The following CCDC141 variants were observed in gnomAD, a reference collection of about 807,000 sequenced individuals.
The protein encoded by CCDC141 is coiled-coil domain-containing protein 141.
CCDC141 carries 168 observed loss-of-function variants against 181.0 expected under a neutral mutation model. The observed-to-expected ratio is 0.93, with a 90% CI of 0.82 to 1.05. The LOEUF (loss-of-function observed/expected upper bound fraction) is 1.05, where lower values mean the gene tolerates loss of function less well. CCDC141 is among the 50% of genes least tolerant of loss of function. The pLI, the probability that CCDC141 is intolerant of heterozygous loss-of-function variation, is 0.00. For synonymous variants in CCDC141, 666 were observed against 642.3 expected (o/e 1.04, Z -0.56); for missense variants, 1,902 against 1,788.5 (o/e 1.06, Z -1.14).
intron 2 of CCDC141, among the ~76,000 whole-genome samples, chr2:178,994,216 C>A (rs1692181240): frequency 6.6e-6 from 1 of 152,204 alleles, no homozygotes; most frequent in Non-Finnish European, 1.5e-5. Context: ...TAGCAGTGAC[C>A]TCCATGAGGG....
chr2:178,990,601 GAGGGGAGGGA>G (rs1680748366), intron 2 of CCDC141, among the ~76,000 whole-genome samples: 2 of 129,068 alleles, frequency 1.5e-5, no homozygotes, highest in Admixed American at 7.9e-5. Context: ...GAGGGGAGGG[GAGGGGAGGGA>G]AGGGAAGGGA....
At chr2:178,986,402 G>A (rs1691741012) in intron 2 of CCDC141, among the ~76,000 whole-genome samples, 1 of 152,136 alleles carries the variant, frequency 6.6e-6, no homozygotes, top group Non-Finnish European at 1.5e-5. Flanking sequence ...TTTGAAAACT[G>A]GCACAAGACA....
chr2:178,959,729 A>T (rs1690314738), intron 5 of CCDC141, among the ~76,000 whole-genome samples: 1 of 152,210 alleles, frequency 6.6e-6, no homozygotes. Flanking sequence ...AAGGCAGCTT[A>T]GAAAGTGTAT....
chr2:178,872,103 C>T, intron 13 of CCDC141, 30 bp downstream of exon 13: 1 of 1,597,826 alleles, frequency 6.3e-7, no homozygotes, highest in African/African-American at 1.3e-5. Context: ...AATTTCATTC[C>T]TTTTCACATC....
At chr2:178,984,922 A>T in intron 2 of CCDC141, among the ~76,000 whole-genome samples, 1 of 150,606 alleles carries the variant, frequency 6.6e-6, no homozygotes, top group Non-Finnish European at 1.5e-5. Flanking sequence ...CAGAAAGTCA[A>T]CAAGGATACC....
intron 6 of CCDC141, chr2:178,926,472 G>T (rs1214845599): frequency 6.6e-6 from 1 of 152,172 alleles, no homozygotes; most frequent in African/African-American, 2.4e-5. Context: ...TATTGAGCTA[G>T]CCTGTGGAAG....
At chr2:178,936,347 T>C (rs878935244) in intron 6 of CCDC141, among the ~76,000 whole-genome samples, 2 of 152,178 alleles carry the variant, frequency 1.3e-5, no homozygotes, top group Non-Finnish European at 2.9e-5. Context: ...ATTTATTGAA[T>C]AGGGAGTCTT....
chr2:179,007,125 G>A (rs1420466817), intron 2 of CCDC141, among the ~76,000 whole-genome samples: 1 of 152,184 alleles, frequency 6.6e-6, no homozygotes, highest in Non-Finnish European at 1.5e-5. Context: ...AGGTTCCACA[G>A]AATCTTTTCT....
chr2:178,950,625 G>A (rs1689916078), intron 5 of CCDC141, among the ~76,000 whole-genome samples: 1 of 152,090 alleles, frequency 6.6e-6, no homozygotes, highest in South Asian at 2.1e-4. Flanking sequence ...GTTATTATTT[G>A]GACTTAGAGA....
At chr2:179,020,469 T>A (rs1285864631) in intron 2 of CCDC141, among the ~76,000 whole-genome samples, 1 of 152,188 alleles carries the variant, frequency 6.6e-6, no homozygotes, top group African/African-American at 2.4e-5. Flanking sequence ...TGATAGCACT[T>A]CTCATGGGAT....
At chr2:178,822,272 G>A in the CCDC141 span, among the ~76,000 whole-genome samples, 140 of 151,970 alleles carry the variant, frequency 9.2e-4, 1 homozygote, top group African/African-American at 3.3e-3. Flanking sequence ...TGGGGGGAGT[G>A]GGGAGGGATA....
Position 179,009,877 on chromosome 2 carries a change from C to G in CCDC141, c.226-31202G>C, listed in dbSNP as rs545706005. ...GGGAGGGATCAGAGAAAGGTGAAGC[C>G]CAATGCAAGGAAATCCAAAACATGA... On this transcript the variant is annotated intron_variant, in intron 2 of 23. Coordinates refer to ENST00000443758, the MANE Select transcript of CCDC141 (RefSeq NM_173648.4). 1.3e-4 allele frequency among the ~76,000 whole-genome samples: 19 copies of G among 151,826 alleles called. No individual in the cohort carries two copies. In the East Asian group the frequency reaches 3.5e-3, roughly 28 times the overall value.
intron 2 of CCDC141, among the ~76,000 whole-genome samples, chr2:178,995,577 A>G (rs1692251924): frequency 6.6e-6 from 1 of 152,236 alleles, no homozygotes; most frequent in Non-Finnish European, 1.5e-5. Context: ...TATACTTAAT[A>G]AAGAAATAAA....
At chr2:179,043,304 C>T (rs556951611) in intron 2 of CCDC141, among the ~76,000 whole-genome samples, 25 of 152,280 alleles carry the variant, frequency 1.6e-4, no homozygotes, top group African/African-American at 6.0e-4. Flanking sequence ...TAAAGAAGAG[C>T]TGGTACCATT....
chr2:178,930,899 G>A (rs1689072742), intron 6 of CCDC141, among the ~76,000 whole-genome samples: 1 of 152,124 alleles, frequency 6.6e-6, no homozygotes, highest in Non-Finnish European at 1.5e-5. Context: ...TGGATTTGAT[G>A]ATGGTTTCTT....
chr2:178,897,372 A>G (rs1386513293), intron 8 of CCDC141, among the ~76,000 whole-genome samples: 1 of 152,220 alleles, frequency 6.6e-6, no homozygotes, highest in East Asian at 1.9e-4. Flanking sequence ...GTTCAAAACC[A>G]TGCACAATAT....
intron 2 of CCDC141, among the ~76,000 whole-genome samples, chr2:179,013,550 TACA>T (rs2042333526): frequency 6.6e-6 from 1 of 152,104 alleles, no homozygotes; most frequent in East Asian, 1.9e-4. Context: ...AAAAGAAGTC[TACA>T]AATTTAACGC....
At chr2:179,038,886 C>T (rs1402653233) in intron 2 of CCDC141, among the ~76,000 whole-genome samples, 1 of 152,096 alleles carries the variant, frequency 6.6e-6, no homozygotes, top group African/African-American at 2.4e-5. Flanking sequence ...GTCATAATTC[C>T]CCTAGACAAT....
intron 21 of CCDC141, among the ~76,000 whole-genome samples, chr2:178,846,439 A>G (rs540014193): frequency 6.6e-6 from 1 of 152,228 alleles, no homozygotes; most frequent in African/African-American, 2.4e-5. Flanking sequence ...GCAATGGAAG[A>G]GTCTCTATTC....
Sources: gnomAD v4.1 joint callset for allele counts (sites outside exome capture counted in the v4.1 genomes callset) on GRCh38, gnomAD v4.1.1 for gene constraint, MANE v1.5 for transcripts, NCBI Gene and HGNC (gene_info 2026-07-23, HGNC 2026-07-21) for gene names.